NEGR1: variants seen among roughly 807,000 people sequenced by gnomAD.
NEGR1 encodes the protein IgLON family member 4.
In NEGR1, 10 loss-of-function variants were observed where a neutral mutation model predicts 40.9. The ratio of observed to expected loss-of-function variants is 0.24; its 90% CI spans 0.15 to 0.42. The LOEUF is 0.42. Among genes scored for constraint, NEGR1 ranks in the 10% least tolerant of loss-of-function variants. The pLI is 1.00. For missense variants in NEGR1, 352 were observed against 438.9 expected, an observed-to-expected ratio of 0.80 and a Z score of 1.77; for synonymous variants, 185 against 166.8, an observed-to-expected ratio of 1.11 and a Z score of -0.84.
At chr1:71,564,368 T>C (rs1648553683) in intron 6 of NEGR1, among the ~76,000 whole-genome samples, 1 of 152,106 alleles carries the variant, frequency 6.6e-6, no homozygotes, top group African/African-American at 2.4e-5. Flanking sequence ...ATATGTTAAG[T>C]AGTGGATTAA....
At chr1:71,498,619 T>C (rs979490658) in intron 6 of NEGR1, among the ~76,000 whole-genome samples, 4 of 152,146 alleles carry the variant, frequency 2.6e-5, no homozygotes, top group African/African-American at 4.8e-5. Flanking sequence ...ATCATAAAAT[T>C]ATGGGAATGT....
chr1:71,419,145 C>T (rs1002783487), intron 6 of NEGR1, among the ~76,000 whole-genome samples: 1 of 152,150 alleles, frequency 6.6e-6, no homozygotes, highest in African/African-American at 2.4e-5. Context: ...CCCTTCTTCC[C>T]TATTTTATTT....
chr1:71,966,544 A>C (rs1646211217), intron 1 of NEGR1, among the ~76,000 whole-genome samples: 1 of 152,134 alleles, frequency 6.6e-6, no homozygotes, highest in South Asian at 2.1e-4. Flanking sequence ...GCAGGTTTCA[A>C]AATGTGAGTC....
At chr1:71,478,958 C>T (rs1646838395) in intron 6 of NEGR1, among the ~76,000 whole-genome samples, 1 of 152,010 alleles carries the variant, frequency 6.6e-6, no homozygotes, top group African/African-American at 2.4e-5. Context: ...TATGCAGTTA[C>T]ACAGACAATA....
At chr1:72,255,525 C>A (rs1320956178) in intron 1 of NEGR1, among the ~76,000 whole-genome samples, 1 of 149,440 alleles carries the variant, frequency 6.7e-6, no homozygotes, top group African/African-American at 2.5e-5. Context: ...AGAATGCCTA[C>A]TATGGTTTAT....
chr1:71,723,746 CAG>C (rs1654584806), intron 3 of NEGR1, among the ~76,000 whole-genome samples: 1 of 152,170 alleles, frequency 6.6e-6, no homozygotes, highest in Admixed American at 6.6e-5. Context: ...ATTACAGAAC[CAG>C]AGAGGGGGAA....
chr1:72,022,895 A>G (rs1330183353), intron 1 of NEGR1, among the ~76,000 whole-genome samples: 1 of 152,148 alleles, frequency 6.6e-6, no homozygotes, highest in Non-Finnish European at 1.5e-5. Flanking sequence ...TTTTCCTGTA[A>G]TTTTTAAAAG....
intron 4 of NEGR1, among the ~76,000 whole-genome samples, chr1:71,650,880 C>T (rs946823512): frequency 2.0e-5 from 3 of 152,066 alleles, no homozygotes; most frequent in African/African-American, 4.8e-5. Context: ...TTATTTAGGG[C>T]AGTAGAATGA....
intron 1 of NEGR1, among the ~76,000 whole-genome samples, chr1:71,973,632 A>C (rs1646277287): frequency 6.6e-6 from 1 of 152,214 alleles, no homozygotes; most frequent in Admixed American, 6.5e-5. Flanking sequence ...TAATTTAATA[A>C]AATTATATCA....
intron 2 of NEGR1, among the ~76,000 whole-genome samples, chr1:71,895,585 G>T (rs1485670579): frequency 2.7e-5 from 4 of 145,764 alleles, no homozygotes; most frequent in Non-Finnish European, 6.1e-5. Flanking sequence ...TTCACTTAGT[G>T]TTATAATTTC....
At chr1:72,185,807 A>T (rs928662192) in intron 1 of NEGR1, among the ~76,000 whole-genome samples, 2 of 151,834 alleles carry the variant, frequency 1.3e-5, no homozygotes, top group African/African-American at 4.8e-5. Context: ...CCAAACATCC[A>T]CATTTATGTT....
intron 1 of NEGR1, among the ~76,000 whole-genome samples, chr1:72,276,255 A>G (rs930131173): frequency 3.3e-5 from 5 of 152,154 alleles, no homozygotes; most frequent in Non-Finnish European, 5.9e-5. Context: ...AAATGGTTCA[A>G]TTAGGGATAT....
chr1:72,116,856 T>C (rs934348190), intron 1 of NEGR1, among the ~76,000 whole-genome samples: 2 of 151,782 alleles, frequency 1.3e-5, no homozygotes, highest in Non-Finnish European at 2.9e-5. Flanking sequence ...CACATCTATA[T>C]GAATTTTTAT....
At chr1:72,211,609 A>AAT (rs1261040899) in intron 1 of NEGR1, among the ~76,000 whole-genome samples, 1 of 150,294 alleles carries the variant, frequency 6.7e-6, no homozygotes, top group South Asian at 2.1e-4. Flanking sequence ...TTTTATTTTA[A>AAT]ATATATATAT....
chr1:71,790,057 C>T (rs1240337813), intron 2 of NEGR1, among the ~76,000 whole-genome samples: 2 of 152,006 alleles, frequency 1.3e-5, no homozygotes, highest in Admixed American at 1.3e-4. Flanking sequence ...CCCAATTTAC[C>T]TTTTGAGTAG....
intron 3 of NEGR1, among the ~76,000 whole-genome samples, chr1:71,742,756 A>T (rs987552843): frequency 1.3e-5 from 2 of 152,150 alleles, no homozygotes; most frequent in Non-Finnish European, 2.9e-5. Flanking sequence ...TTTGGACTTT[A>T]GACTTTAGTG....
intron 6 of NEGR1, among the ~76,000 whole-genome samples, chr1:71,438,899 C>T (rs542081288): frequency 1.5e-4 from 23 of 152,268 alleles, no homozygotes; most frequent in Admixed American, 1.2e-3. Flanking sequence ...GGTACACTCA[C>T]AGGAGGAGCA....
intron 3 of NEGR1, among the ~76,000 whole-genome samples, chr1:71,763,630 T>C (rs1245858505): frequency 6.6e-6 from 1 of 152,086 alleles, no homozygotes; most frequent in African/African-American, 2.4e-5. Context: ...GTATGGAAGG[T>C]AATGAAAAAG....
intron 2 of NEGR1, among the ~76,000 whole-genome samples, chr1:71,838,256 AC>A (rs1163661553): frequency 6.6e-6 from 1 of 152,298 alleles, no homozygotes; most frequent in East Asian, 1.9e-4. Context: ...CCAAAGGCAA[AC>A]TGGCACTGCT....
Sources: allele counts gnomAD v4.1 joint callset (sites outside exome capture counted in the v4.1 genomes callset), GRCh38; gene constraint gnomAD v4.1.1; transcripts MANE v1.5; gene names NCBI Gene and HGNC (gene_info 2026-07-23, HGNC 2026-07-21).